CARMIL1: variants seen among roughly 807,000 people sequenced by gnomAD.
CARMIL1 encodes capping protein regulator and myosin 1 linker 1.
In CARMIL1, 90 loss-of-function variants were observed where a neutral mutation model predicts 177.1. The ratio of observed to expected loss-of-function variants is 0.51; its 90% CI spans 0.43 to 0.61. The LOEUF (loss-of-function observed/expected upper bound fraction) is 0.61. Among genes scored for constraint, CARMIL1 ranks in the 20% least tolerant of loss-of-function variants. The probability of loss-of-function intolerance (pLI) is 0.00; values close to 1 mark genes in which losing one functional copy is unlikely to be tolerated. For synonymous variants in CARMIL1, 577 were observed against 606.2 expected (o/e 0.95, Z 0.71); for missense variants, 1,380 against 1,667.0 (o/e 0.83, Z 3.00).
At chr6:25,286,792 T>C (rs1781555718) in intron 2 of CARMIL1, among the ~76,000 whole-genome samples, 1 of 152,222 alleles carries the variant, frequency 6.6e-6, no homozygotes, top group Non-Finnish European at 1.5e-5. Flanking sequence ...GAGTGCAATT[T>C]ACCATGTTAA....
chr6:25,619,801 T>G lies in CARMIL1; in HGVS notation c.*218T>G, dbSNP rs575853708. The G allele has an allele frequency of 2.1e-4, 72 of 344,558 alleles. 1 individual carries two copies. Among genetic ancestry groups the G allele is most frequent in the Non-Finnish European group, 3.3e-4 (65 of 196,858 alleles). The allele number at this position is 344,558 out of a possible 1,614,324, so 21.3% of individuals were successfully genotyped here. On this transcript the variant is annotated 3_prime_UTR_variant, in exon 37 of 37. Coordinates refer to ENST00000329474, the MANE Select transcript of CARMIL1 (RefSeq NM_017640.6). ...CCATTTCTTGGTAATCAAAGCACAT[T>G]TGTTTGGTCTTCCTCCAACCCTTTG...
intron 17 of CARMIL1, 95 bp downstream of exon 17, chr6:25,500,330 G>T (rs1187773957): frequency 9.8e-7 from 1 of 1,015,266 alleles, no homozygotes; most frequent in East Asian, 2.5e-5. Context: ...ATTCCACAGG[G>T]TGTAAATGAA....
At chr6:25,575,453 T>G (rs1375029635) in intron 29 of CARMIL1, among the ~76,000 whole-genome samples, 3 of 152,158 alleles carry the variant, frequency 2.0e-5, no homozygotes, top group African/African-American at 4.8e-5. Flanking sequence ...TGAATTAATC[T>G]TTCACAAAGA....
At position 25,584,928 on chromosome 6, in the gene CARMIL1, T is replaced by G. The variant is rs139051356; in HGVS notation, c.3006+3489T>G. On this transcript the variant is annotated intron_variant, in intron 31 of 36. Coordinates refer to ENST00000329474, the MANE Select transcript of CARMIL1 (RefSeq NM_017640.6). ...CTGTTCTAGAGAGATTTCACCTTTG[T>G]CCACAATGAAGCCAGGACTCACAGG... 5.4e-3 allele frequency among the ~76,000 whole-genome samples: 822 copies of G among 152,316 alleles called. 5 individuals carry two copies. Among genetic ancestry groups the G allele is most frequent in the South Asian group, 7.5e-3 (36 of 4,822 alleles).
At chr6:25,288,358 G>A (rs1299109873) in intron 2 of CARMIL1, among the ~76,000 whole-genome samples, 1 of 152,122 alleles carries the variant, frequency 6.6e-6, no homozygotes, top group East Asian at 1.9e-4. Flanking sequence ...AGTTAGGACT[G>A]GTTAAACAGG....
rs1257838875 is a variant in CARMIL1 at position 25,459,315 on chromosome 6, C to G, written c.615-6558C>G. Among the ~76,000 whole-genome samples, 56 of 128,212 alleles carry G rather than the reference C, an allele frequency of 4.4e-4. 1 individual carries two copies. Among genetic ancestry groups the G allele is most frequent in the African/African-American group, 1.4e-3 (51 of 35,804 alleles). The allele number at this position is 128,212 out of a possible 152,430, so 84.1% of individuals were successfully genotyped here. On this transcript the variant is annotated intron_variant, in intron 8 of 36. Coordinates refer to ENST00000329474, the MANE Select transcript of CARMIL1 (RefSeq NM_017640.6). ...TCTTGCTGTATTACCCAGCCTTGAC[C>G]TCCTGGGCTTAGTTGATCCTCCCAC...
At chr6:25,444,282 C>T (rs773605880) in intron 5 of CARMIL1, among the ~76,000 whole-genome samples, 20 of 150,426 alleles carry the variant, frequency 1.3e-4, no homozygotes, top group Middle Eastern at 3.5e-3. Flanking sequence ...GGTAAGTTTA[C>T]GAAATATTCT....
intron 9 of CARMIL1, among the ~76,000 whole-genome samples, chr6:25,470,459 T>C (rs923161558): frequency 1.4e-4 from 22 of 152,230 alleles, no homozygotes; most frequent in African/African-American, 4.3e-4. Context: ...GTCACTTTCT[T>C]TGGGAAGTCC....
chr6:25,433,891 T>G (rs1480746548), intron 4 of CARMIL1, among the ~76,000 whole-genome samples: 2 of 152,200 alleles, frequency 1.3e-5, no homozygotes, highest in African/African-American at 2.4e-5. Context: ...ATACTTACAT[T>G]ATTATTATTT....
chr6:25,291,423 A>G (rs1781953989), intron 2 of CARMIL1, among the ~76,000 whole-genome samples: 3 of 152,194 alleles, frequency 2.0e-5, no homozygotes, highest in South Asian at 2.1e-4. Flanking sequence ...ATATTCTGCA[A>G]TATGGAAACT....
chr6:25,435,726 T>G, intron 5 of CARMIL1, 122 bp downstream of exon 5: 1 of 1,131,266 alleles, frequency 8.8e-7, no homozygotes, highest in Non-Finnish European at 1.2e-6. Context: ...CTTCTCCTCT[T>G]AAATATTAAA....
chr6:25,461,120 T>C (rs1336116735), intron 8 of CARMIL1, among the ~76,000 whole-genome samples: 2 of 152,230 alleles, frequency 1.3e-5, no homozygotes, highest in Non-Finnish European at 2.9e-5. Context: ...CATTGGCCCT[T>C]GTTCTAGCCT....
At chr6:25,316,242 C>T (rs1009545022) in intron 2 of CARMIL1, among the ~76,000 whole-genome samples, 3 of 152,024 alleles carry the variant, frequency 2.0e-5, no homozygotes, top group African/African-American at 2.4e-5. Context: ...GCCTGCCTGG[C>T]GAAGCATTGC....
At chr6:25,603,170 T>C (rs2151313400) in intron 33 of CARMIL1, among the ~76,000 whole-genome samples, 1 of 152,308 alleles carries the variant, frequency 6.6e-6, no homozygotes, top group African/African-American at 2.4e-5. Flanking sequence ...GCCATGCACT[T>C]GGAGGAACCT....
At chr6:25,538,297 TG>T (rs1808514550) in intron 25 of CARMIL1, among the ~76,000 whole-genome samples, 1 of 152,142 alleles carries the variant, frequency 6.6e-6, no homozygotes. Flanking sequence ...GCTGATAACA[TG>T]AAACTCCCCT....
chr6:25,517,558 A>C, intron 22 of CARMIL1, 143 bp downstream of exon 22: 1 of 622,158 alleles, frequency 1.6e-6, no homozygotes, highest in South Asian at 2.0e-5. Context: ...CTAACCAGCT[A>C]TGGGATCTTG....
chr6:25,401,081 A>C (rs1793845130), intron 2 of CARMIL1, among the ~76,000 whole-genome samples: 1 of 152,154 alleles, frequency 6.6e-6, no homozygotes, highest in African/African-American at 2.4e-5. Context: ...TTTTATCTCC[A>C]TATATAATAT....
chr6:25,587,145 G>A (rs1467586821), intron 31 of CARMIL1, among the ~76,000 whole-genome samples: 1 of 151,984 alleles, frequency 6.6e-6, no homozygotes, highest in African/African-American at 2.4e-5. Context: ...GAGAACAATG[G>A]ATATAGATAT....
intron 29 of CARMIL1, among the ~76,000 whole-genome samples, chr6:25,579,905 T>G (rs1036212148): frequency 2.0e-5 from 3 of 152,232 alleles, no homozygotes; most frequent in Non-Finnish European, 4.4e-5. Context: ...TGTAGATTGT[T>G]TTTTTGAGGA....
Sources: allele counts gnomAD v4.1 joint callset (sites outside exome capture counted in the v4.1 genomes callset), GRCh38; gene constraint gnomAD v4.1.1; transcripts MANE v1.5; gene names NCBI Gene and HGNC (gene_info 2026-07-23, HGNC 2026-07-21).